NALCN: variants seen among roughly 807,000 people sequenced by gnomAD.
NALCN encodes the protein sodium leak channel NALCN.
Under a neutral mutation model 225.3 loss-of-function variants are expected in NALCN, and 111 were observed. The observed-to-expected ratio is 0.49, with a 90% CI of 0.42 to 0.58. The LOEUF is 0.58. Ranked by LOEUF, NALCN falls within the 20% of genes least tolerant of loss-of-function variation. The probability of loss-of-function intolerance (pLI) is 0.00; values close to 1 mark genes in which losing one functional copy is unlikely to be tolerated. For synonymous variants in NALCN, 764 were observed against 769.0 expected, an observed-to-expected ratio of 0.99 and a Z score of 0.11; for missense variants, 1,378 against 2,202.4, an observed-to-expected ratio of 0.63 and a Z score of 7.49.
chr13:101,136,015 G>A (rs559849293), intron 17 of NALCN, among the ~76,000 whole-genome samples: 3 of 152,280 alleles, frequency 2.0e-5, no homozygotes, highest in Non-Finnish European at 4.4e-5. Flanking sequence ...AATACAAACA[G>A]CTGATACATA....
Position 101,055,226 on chromosome 13 carries a change from AC to A in NALCN, c.*68del. The A allele has an allele frequency of 2.4e-6, 3 of 1,227,026 alleles. No homozygotes were observed. In the South Asian group the frequency reaches 4.2e-5, roughly 17 times the overall value. 76.0% of individuals were successfully genotyped at this position (1,227,026 alleles called of 1,614,324 possible). ...GTTATAGATCAATTACAGATTGCTCACTGGACAATCAAGGACATTATTAGAA... is the reference window on the plus strand; with the variant it reads ...GTTATAGATCAATTACAGATTGCTCATGGACAATCAAGGACATTATTAGAA... On this transcript the variant is annotated 3_prime_UTR_variant, in exon 44 of 44. Transcript: ENST00000251127.
intron 9 of NALCN, among the ~76,000 whole-genome samples, chr13:101,290,922 A>G (rs577779581): frequency 1.4e-4 from 22 of 152,170 alleles, no homozygotes; most frequent in Non-Finnish European, 2.4e-4. Flanking sequence ...TCTCTCTTTT[A>G]TAAAGATTCA....
intron 6 of NALCN, among the ~76,000 whole-genome samples, chr13:101,350,672 T>G (rs1031709275): frequency 2.6e-5 from 4 of 152,212 alleles, no homozygotes; most frequent in African/African-American, 9.7e-5. Flanking sequence ...GGCTGTTTGG[T>G]TGAACACCAG....
chr13:101,291,807 C>T (rs963269047), intron 9 of NALCN, among the ~76,000 whole-genome samples, 183 bp downstream of exon 9: 1 of 152,170 alleles, frequency 6.6e-6, no homozygotes, highest in Non-Finnish European at 1.5e-5. Context: ...CCCTCAGCCT[C>T]CCAAAGTGCT....
intron 11 of NALCN, among the ~76,000 whole-genome samples, chr13:101,247,681 T>C (rs868163929): frequency 6.6e-6 from 1 of 152,168 alleles, no homozygotes; most frequent in African/African-American, 2.4e-5. Flanking sequence ...CCAGGATATA[T>C]GTGCAGGATA....
chr13:101,129,784 C>T (rs1163054714), intron 17 of NALCN, among the ~76,000 whole-genome samples: 1 of 149,868 alleles, frequency 6.7e-6, no homozygotes, highest in Non-Finnish European at 1.5e-5. Context: ...AGGTTTGTTA[C>T]GTAGGTATGC....
chr13:101,318,469 A>T (rs900709507), intron 7 of NALCN, among the ~76,000 whole-genome samples: 1 of 152,242 alleles, frequency 6.6e-6, no homozygotes, highest in South Asian at 2.1e-4. Flanking sequence ...GGAATTTTCC[A>T]TTGTCATCAG....
chr13:101,394,193 A>G (rs1407890877), intron 3 of NALCN, among the ~76,000 whole-genome samples: 1 of 152,212 alleles, frequency 6.6e-6, no homozygotes, highest in African/African-American at 2.4e-5. Context: ...TAAATTTTTT[A>G]AAGTCCACAA....
At chr13:101,319,659 G>A (rs2044677802) in intron 7 of NALCN, among the ~76,000 whole-genome samples, 2 of 152,098 alleles carry the variant, frequency 1.3e-5, no homozygotes, top group South Asian at 4.2e-4. Flanking sequence ...AGAAAAAAAG[G>A]TAAAAGATTT....
At chr13:101,358,598 G>T (rs933518837) in intron 6 of NALCN, among the ~76,000 whole-genome samples, 28 of 152,196 alleles carry the variant, frequency 1.8e-4, no homozygotes, top group African/African-American at 6.8e-4. Context: ...CTGTTGGTAG[G>T]AATGTAAATT....
In NALCN at chr13:101,108,612, G is replaced by C. The variant is rs570596998; in HGVS notation, c.2365-823C>G. 2.6e-5 allele frequency among the ~76,000 whole-genome samples: 4 copies of C among 152,270 alleles called. 1 individual carries two copies. The South Asian group carries it at 8.3e-4, about 32-fold the overall frequency. ...GGGTGCAGGCTGTGGTAGGACTACA[G>C]AAATGTGTTCTTCCAGAGCTAGGAG... is the stretch of plus-strand genomic sequence containing the variant. On this transcript the variant is annotated intron_variant, in intron 20 of 43. Coordinates refer to ENST00000251127, the MANE Select transcript of NALCN (RefSeq NM_052867.4).
At chr13:101,404,204 G>T (rs2047555220) in intron 1 of NALCN, among the ~76,000 whole-genome samples, 3 of 151,974 alleles carry the variant, frequency 2.0e-5, no homozygotes, top group African/African-American at 7.3e-5. Flanking sequence ...CCTTACTGCT[G>T]GCTCCATACT....
rs2030872572 is a variant in NALCN at position 101,053,887 on chromosome 13, T to G, written c.*1408A>C. Reference sequence around the variant, plus strand: ...GCCACATGACTGGTTGTTCTTTATCTCATAGTTACAATGAATCATATAAAC... The same window carrying G: ...GCCACATGACTGGTTGTTCTTTATCGCATAGTTACAATGAATCATATAAAC... On this transcript the variant is annotated 3_prime_UTR_variant, in exon 44 of 44. Transcript: ENST00000251127. 6.6e-6 allele frequency: 1 copy of G among 152,212 alleles called. No individual in the cohort carries two copies. The highest frequency in any genetic ancestry group is 2.4e-5 in the African/African-American group (1 of 41,460). 9.4% of individuals were successfully genotyped at this position (152,212 alleles called of 1,614,324 possible).
rs1338686054 is a variant in NALCN at position 101,057,479 on chromosome 13, C to T, written c.5023+460G>A. 4 of 203,780 alleles carry T rather than the reference C, an allele frequency of 2.0e-5. No individual in the cohort carries two copies. In the East Asian group the frequency reaches 4.5e-4, roughly 23 times the overall value. The allele number at this position is 203,780 out of a possible 1,614,324, so 12.6% of individuals were successfully genotyped here. A position where few individuals can be genotyped will look rare whatever the true frequency, so the allele number is the denominator to read the frequency against. ...TTGTTATTGTATGGAGGTAAAGCAG[C>T]TTGCCTAAAGCCAGTGACCGGCTCA... On this transcript the variant is annotated intron_variant, in intron 43 of 43. Coordinates refer to ENST00000251127, the MANE Select transcript of NALCN (RefSeq NM_052867.4).
rs1008872777 is a variant in NALCN, at chr13:101,111,118, T to C, written c.2294+7A>G. On this transcript the variant is annotated splice_region_variant and intron_variant, in intron 19 of 43. Transcript: ENST00000251127. Reference sequence around the variant, plus strand: ...GTCTCTGAAGCCCTGTCTTCCCAAGTATTTACCTGCGCTCTTGGCGGATAT... The same window carrying C: ...GTCTCTGAAGCCCTGTCTTCCCAAGCATTTACCTGCGCTCTTGGCGGATAT... 6 of 1,601,628 alleles carry C rather than the reference T, an allele frequency of 3.7e-6. No homozygotes were observed. In the Admixed American group the frequency reaches 5.0e-5, roughly 13 times the overall value.
intron 18 of NALCN, among the ~76,000 whole-genome samples, chr13:101,117,180 C>T (rs914985789): frequency 3.3e-5 from 5 of 152,072 alleles, no homozygotes; most frequent in African/African-American, 4.8e-5. Flanking sequence ...AATACATGGG[C>T]GACCAGAACT....
chr13:101,357,301 G>A (rs115439958), intron 6 of NALCN, among the ~76,000 whole-genome samples: 4,914 of 152,018 alleles, frequency 0.032, 270 homozygotes, highest in African/African-American at 0.11. Flanking sequence ...ATCTCAGCCC[G>A]AAAACTCCTT....
At chr13:101,411,943 G>A (rs2047799798) in intron 1 of NALCN, among the ~76,000 whole-genome samples, 1 of 152,098 alleles carries the variant, frequency 6.6e-6, no homozygotes, top group African/African-American at 2.4e-5. Flanking sequence ...AGATTTTCAG[G>A]ACGTTATTTT....
chr13:101,248,328 C>T (rs1318072687), intron 11 of NALCN, among the ~76,000 whole-genome samples: 1 of 152,144 alleles, frequency 6.6e-6, no homozygotes, highest in Non-Finnish European at 1.5e-5. Flanking sequence ...ATTTCAGGTA[C>T]ATTAGAAACT....
Sources: gnomAD v4.1 joint callset for allele counts (sites outside exome capture counted in the v4.1 genomes callset) on GRCh38, gnomAD v4.1.1 for gene constraint, MANE v1.5 for transcripts, NCBI Gene and HGNC (gene_info 2026-07-23, HGNC 2026-07-21) for gene names.